The following CWH43 variants were observed in gnomAD, a reference collection of about 807,000 sequenced individuals.
CWH43 encodes cell wall biogenesis 43 C-terminal homolog, also known as PGAP2-interacting protein.
A neutral mutation model predicts 85.7 loss-of-function variants in CWH43; 91 were observed. That is an observed-to-expected ratio of 1.06 (90% CI 0.90 to 1.26). The LOEUF (loss-of-function observed/expected upper bound fraction) is 1.26, where lower values mean the gene tolerates loss of function less well. CWH43 is among the 50% of genes most tolerant of loss of function. The probability of loss-of-function intolerance (pLI) is 0.00; values close to 1 mark genes in which losing one functional copy is unlikely to be tolerated. For missense variants in CWH43, 869 were observed against 839.2 expected (o/e 1.04, Z -0.44); for synonymous variants, 323 against 293.6 (o/e 1.10, Z -1.02).
chr4:48,990,452 A>G (rs1560483419), intron 2 of CWH43, among the ~76,000 whole-genome samples: 1 of 152,214 alleles, frequency 6.6e-6, no homozygotes, highest in Non-Finnish European at 1.5e-5. Flanking sequence ...CTTTGTTTTT[A>G]GAGTCCTGAG....
chr4:48,987,846 G>A (rs1577646429), intron 1 of CWH43, among the ~76,000 whole-genome samples: 1 of 152,184 alleles, frequency 6.6e-6, no homozygotes, highest in Non-Finnish European at 1.5e-5. Flanking sequence ...CCTCACTCAA[G>A]TGCTTTTGGG....
At chr4:49,042,446 A>C (rs1211901345) in intron 13 of CWH43, among the ~76,000 whole-genome samples, 2 of 152,212 alleles carry the variant, frequency 1.3e-5, no homozygotes, top group Admixed American at 6.5e-5. Flanking sequence ...TTTTACAAGG[A>C]AGATGAGTTC....
chr4:49,005,169 C>T (rs1312146381), intron 7 of CWH43, among the ~76,000 whole-genome samples: 1 of 152,026 alleles, frequency 6.6e-6, no homozygotes, highest in Non-Finnish European at 1.5e-5. Flanking sequence ...ACCTTATGTT[C>T]CAGGAACAGT....
intron 8 of CWH43, 22 bp downstream of exon 8, chr4:49,007,348 T>A: frequency 6.6e-7 from 1 of 1,515,720 alleles, no homozygotes; most frequent in South Asian, 1.3e-5. Flanking sequence ...TTTACATTCT[T>A]AAAAAAAATT....
At chr4:49,017,211 ATTTT>A in intron 8 of CWH43, 34 bp from the exon 9 acceptor site, 7 of 1,530,842 alleles carry the variant, frequency 4.6e-6, no homozygotes, top group Admixed American at 3.6e-5. Context: ...TATTTTATTT[ATTTT>A]AAAAAAACCC....
chr4:49,027,394 T>C (rs1472904918), intron 9 of CWH43, among the ~76,000 whole-genome samples: 3 of 152,102 alleles, frequency 2.0e-5, no homozygotes, highest in African/African-American at 4.8e-5. Flanking sequence ...TATTTTGGAG[T>C]GATGACATCT....
At chr4:49,037,180 A>G (rs1784286987) in intron 12 of CWH43, among the ~76,000 whole-genome samples, 1 of 152,062 alleles carries the variant, frequency 6.6e-6, no homozygotes, top group Non-Finnish European at 1.5e-5. Context: ...TGATGTACCC[A>G]CCTAAGTATC....
intron 13 of CWH43, among the ~76,000 whole-genome samples, chr4:49,042,164 G>A (rs763515410): frequency 4.6e-5 from 7 of 152,156 alleles, no homozygotes; most frequent in Non-Finnish European, 8.8e-5. Context: ...GGCTCAACTA[G>A]GGACTGGAGG....
intron 13 of CWH43, among the ~76,000 whole-genome samples, chr4:49,041,013 T>C (rs1263631685): frequency 2.0e-5 from 3 of 152,212 alleles, no homozygotes; most frequent in Non-Finnish European, 4.4e-5. Flanking sequence ...CCTTTCCCCA[T>C]GGCTTGTTTT....
chr4:48,994,973 G>A (rs1782766446), intron 5 of CWH43, 153 bp downstream of exon 5: 1 of 741,832 alleles, frequency 1.3e-6, no homozygotes. Context: ...TGTGTGCTCT[G>A]GAGAGAAGGG....
intron 6 of CWH43, among the ~76,000 whole-genome samples, chr4:48,999,421 T>C (rs1782921620): frequency 6.6e-6 from 1 of 152,226 alleles, no homozygotes; most frequent in South Asian, 2.1e-4. Flanking sequence ...ACAATTTATA[T>C]TCCTTTGGGT....
chr4:49,000,626 A>G (rs1782961031), intron 6 of CWH43, among the ~76,000 whole-genome samples: 2 of 152,244 alleles, frequency 1.3e-5, no homozygotes, highest in Admixed American at 6.5e-5. Context: ...GCCTTTTCAC[A>G]TAAAGTATAA....
intron 9 of CWH43, among the ~76,000 whole-genome samples, chr4:49,027,935 G>T (rs1000098593): frequency 3.9e-5 from 6 of 152,120 alleles, no homozygotes; most frequent in Non-Finnish European, 7.4e-5. Context: ...AAAGGGGGCT[G>T]TGCTCCTGGG....
chr4:49,038,932 C>T (rs1273153197), intron 13 of CWH43, among the ~76,000 whole-genome samples: 2 of 151,552 alleles, frequency 1.3e-5, no homozygotes, highest in South Asian at 2.1e-4. Flanking sequence ...GTGGCAGGTG[C>T]CTGTAGTCCC....
chr4:49,030,714 T>C (rs1232114832), intron 10 of CWH43, 111 bp from the exon 11 acceptor site: 13 of 988,046 alleles, frequency 1.3e-5, no homozygotes, highest in Admixed American at 6.5e-5. Flanking sequence ...ACTTTGTTTT[T>C]GGGTTTATCA....
chr4:49,018,191 C>G (rs1783622055), intron 9 of CWH43, among the ~76,000 whole-genome samples: 1 of 152,118 alleles, frequency 6.6e-6, no homozygotes, highest in African/African-American at 2.4e-5. Flanking sequence ...ACTATTACAA[C>G]AACACCAAAG....
intron 8 of CWH43, among the ~76,000 whole-genome samples, chr4:49,009,721 C>CT (rs1783290458): frequency 6.6e-6 from 1 of 152,256 alleles, no homozygotes; most frequent in Non-Finnish European, 1.5e-5. Context: ...TTTTCTGCAT[C>CT]TATTGAGATA....
At chr4:49,041,542 GT>G (rs1784463395) in intron 13 of CWH43, among the ~76,000 whole-genome samples, 1 of 152,170 alleles carries the variant, frequency 6.6e-6, no homozygotes, top group Admixed American at 6.5e-5. Context: ...TTGGCTCTCT[GT>G]TTGTCTATTA....
intron 12 of CWH43, 151 bp downstream of exon 12, chr4:49,032,866 A>G (rs1165327558): frequency 2.9e-6 from 3 of 1,018,710 alleles, no homozygotes; most frequent in African/African-American, 1.6e-5. Context: ...AAAATCAGAC[A>G]GAAGCATTTA....
Sources: allele counts gnomAD v4.1 joint callset (sites outside exome capture counted in the v4.1 genomes callset), GRCh38; gene constraint gnomAD v4.1.1; transcripts MANE v1.5; gene names NCBI Gene and HGNC (gene_info 2026-07-23, HGNC 2026-07-21).